The following ZFAND3 variants were observed in gnomAD, a reference collection of about 807,000 sequenced individuals.
The protein encoded by ZFAND3 is AN1-type zinc finger protein 3.
Under a neutral mutation model 29.6 loss-of-function variants are expected in ZFAND3, and 10 were observed. The observed-to-expected ratio is 0.34, with a 90% CI of 0.21 to 0.57. ZFAND3 has a LOEUF of 0.57. ZFAND3 is among the 20% of genes least tolerant of loss of function. ZFAND3 has a pLI of 0.86. For missense variants in ZFAND3, 230 were observed against 304.5 expected (o/e 0.76, Z 1.82); for synonymous variants, 128 against 112.6 (o/e 1.14, Z -0.87).
chr6:37,984,859 G>A (rs763219883), intron 2 of ZFAND3, among the ~76,000 whole-genome samples: 2 of 152,186 alleles, frequency 1.3e-5, no homozygotes, highest in African/African-American at 2.4e-5. Flanking sequence ...GGAAGCCTAG[G>A]ACTTAGTCTG....
intron 2 of ZFAND3, among the ~76,000 whole-genome samples, chr6:37,982,706 A>G (rs1249104256): frequency 3.9e-5 from 6 of 152,208 alleles, no homozygotes; most frequent in Non-Finnish European, 5.9e-5. Context: ...TGGTTTATGT[A>G]TTTATTATGC....
rs976061154 is a variant in ZFAND3 at position 37,819,802 on chromosome 6, A to C, written c.-144A>C. On this transcript the variant is annotated 5_prime_UTR_variant, in exon 1 of 6. Coordinates refer to ENST00000287218, the MANE Select transcript of ZFAND3 (RefSeq NM_021943.3). ...CTGGAATCCCGGCTCCGAGCCCCGGACTCGCGCCCGCCCGCGCGCCCGCTC... is the reference window on the plus strand; with the variant it reads ...CTGGAATCCCGGCTCCGAGCCCCGGCCTCGCGCCCGCCCGCGCGCCCGCTC... The C allele has an allele frequency of 1.2e-3, 511 of 424,654 alleles. 3 individuals carry two copies. Among genetic ancestry groups the C allele is most frequent in the African/African-American group, 0.011 (485 of 45,718 alleles). 26.3% of individuals were successfully genotyped at this position (424,654 alleles called of 1,614,324 possible). A position where few individuals can be genotyped will look rare whatever the true frequency, so the allele number is the denominator to read the frequency against.
chr6:38,144,229 ATATTT>A (rs1562016217), intron 5 of ZFAND3, among the ~76,000 whole-genome samples: 21 of 116,922 alleles, frequency 1.8e-4, no homozygotes, highest in African/African-American at 6.3e-4. Flanking sequence ...ATATATATAT[ATATTT>A]TTTTTTTAAT....
In ZFAND3 at chr6:37,819,861, C is replaced by A; in HGVS notation, c.-85C>A. 1 of 983,908 alleles carries A rather than the reference C, an allele frequency of 1.0e-6. No individual in the cohort carries two copies. The highest frequency in any genetic ancestry group is 1.3e-6 in the Non-Finnish European group (1 of 791,004). 60.9% of individuals were successfully genotyped at this position (983,908 alleles called of 1,614,324 possible). ...TCCCCCCGCCCCGAGCCCCCCGACG[C>A]CGCCGCCACCGCCTCCTCAGAGCGG... On this transcript the variant is annotated 5_prime_UTR_variant, in exon 1 of 6. Transcript: ENST00000287218.
intron 5 of ZFAND3, among the ~76,000 whole-genome samples, chr6:38,149,023 A>G (rs910154627): frequency 1.3e-5 from 2 of 152,072 alleles, no homozygotes; most frequent in East Asian, 1.9e-4. Context: ...GCTGCTCCCA[A>G]AATCTATCTG....
intron 2 of ZFAND3, among the ~76,000 whole-genome samples, chr6:38,010,657 T>C (rs1763133558): frequency 6.6e-6 from 1 of 150,468 alleles, no homozygotes. Context: ...TGGAGTGCAA[T>C]GGCGCAATCT....
chr6:37,844,842 G>T (rs1764148226), intron 1 of ZFAND3, among the ~76,000 whole-genome samples: 2 of 149,740 alleles, frequency 1.3e-5, no homozygotes, highest in South Asian at 2.1e-4. Context: ...GTGAAACTCC[G>T]TCTCTACTAA....
chr6:37,874,463 G>A (rs754962084), intron 1 of ZFAND3, among the ~76,000 whole-genome samples: 20 of 140,594 alleles, frequency 1.4e-4, no homozygotes, highest in Non-Finnish European at 2.5e-4. Flanking sequence ...GCAGTGAGCC[G>A]AGATCGTGCC....
intron 5 of ZFAND3, among the ~76,000 whole-genome samples, chr6:38,118,096 A>G (rs1765456358): frequency 6.6e-6 from 1 of 152,186 alleles, no homozygotes. Context: ...GAAACCGTAA[A>G]GAGGGTTAGG....
intron 2 of ZFAND3, among the ~76,000 whole-genome samples, chr6:37,973,327 G>C (rs1581803518): frequency 6.6e-6 from 1 of 152,262 alleles, no homozygotes; most frequent in South Asian, 2.1e-4. Flanking sequence ...GGTGGCCTCA[G>C]TACCTAAACT....
intron 2 of ZFAND3, among the ~76,000 whole-genome samples, chr6:38,055,587 C>A (rs959036918): frequency 1.3e-5 from 2 of 152,140 alleles, no homozygotes; most frequent in Non-Finnish European, 2.9e-5. Flanking sequence ...ATTCTTAGTT[C>A]CTCTTCTACT....
chr6:38,046,754 G>A (rs1338385388), intron 2 of ZFAND3, among the ~76,000 whole-genome samples: 1 of 152,186 alleles, frequency 6.6e-6, no homozygotes, highest in Non-Finnish European at 1.5e-5. Flanking sequence ...TAGATTATCT[G>A]ATATTTTATA....
intron 3 of ZFAND3, among the ~76,000 whole-genome samples, chr6:38,076,472 C>T (rs1764555720): frequency 6.6e-6 from 1 of 151,750 alleles, no homozygotes; most frequent in South Asian, 2.1e-4. Flanking sequence ...AGAAAGACAC[C>T]CTTATTAGCA....
At chr6:38,042,650 T>C (rs1763813994) in intron 2 of ZFAND3, among the ~76,000 whole-genome samples, 1 of 152,118 alleles carries the variant, frequency 6.6e-6, no homozygotes, top group Non-Finnish European at 1.5e-5. Flanking sequence ...AAAGGAAATT[T>C]TGTCATTATT....
At chr6:38,144,229 ATAT>A (rs202024896) in intron 5 of ZFAND3, among the ~76,000 whole-genome samples, 31,589 of 116,694 alleles carry the variant, frequency 0.27, 4,948 homozygotes, top group Non-Finnish European at 0.34. Flanking sequence ...ATATATATAT[ATAT>A]TTTTTTTTTA....
chr6:38,113,792 A>AT (rs1765364304), intron 4 of ZFAND3, among the ~76,000 whole-genome samples: 2 of 152,110 alleles, frequency 1.3e-5, no homozygotes. Context: ...TTTTGTCTTT[A>AT]TTTTTTCCCC....
At chr6:38,031,928 C>A (rs1763569568) in intron 2 of ZFAND3, among the ~76,000 whole-genome samples, 1 of 150,132 alleles carries the variant, frequency 6.7e-6, no homozygotes, top group Non-Finnish European at 1.5e-5. Context: ...ATCTCCTGGA[C>A]CCAAGTGATC....
chr6:38,052,084 T>G (rs947283326), intron 2 of ZFAND3, among the ~76,000 whole-genome samples: 4 of 152,190 alleles, frequency 2.6e-5, no homozygotes, highest in African/African-American at 4.8e-5. Flanking sequence ...ATAAAGTAAG[T>G]TTAATTGCTG....
intron 1 of ZFAND3, among the ~76,000 whole-genome samples, chr6:37,891,188 T>C: frequency 6.6e-6 from 1 of 152,234 alleles, no homozygotes; most frequent in Admixed American, 6.5e-5. Flanking sequence ...GACTGGCTTC[T>C]TTAACTTAGT....
Sources: allele counts gnomAD v4.1 joint callset (sites outside exome capture counted in the v4.1 genomes callset), GRCh38; gene constraint gnomAD v4.1.1; transcripts MANE v1.5; gene names NCBI Gene and HGNC (gene_info 2026-07-23, HGNC 2026-07-21).